Variants in EEFSEC observed in about 807,000 individuals in gnomAD.
EEFSEC encodes eukaryotic elongation factor, selenocysteine-tRNA specific.
Under a neutral mutation model 42.1 loss-of-function variants are expected in EEFSEC, and 43 were observed. That is an observed-to-expected ratio of 1.02 (90% confidence interval 0.80 to 1.32). The LOEUF (loss-of-function observed/expected upper bound fraction) is 1.32, where lower values mean the gene tolerates loss of function less well. Ranked by LOEUF, EEFSEC falls within the 40% of genes most tolerant of loss-of-function variation. The probability of loss-of-function intolerance (pLI) is 0.00; values close to 1 mark genes in which losing one functional copy is unlikely to be tolerated. For synonymous variants in EEFSEC, 354 were observed against 339.1 expected, an observed-to-expected ratio of 1.04 and a Z score of -0.48; for missense variants, 745 against 803.6, an observed-to-expected ratio of 0.93 and a Z score of 0.88.
At chr3:128,420,780 G>A in the EEFSEC span, among the ~76,000 whole-genome samples, 7 of 152,172 alleles carry the variant, frequency 4.6e-5, no homozygotes, top group African/African-American at 1.7e-4. Flanking sequence ...TGCCACCCTG[G>A]CTGGGCTCCC....
At chr3:128,200,888 G>C (rs1354918102) in intron 1 of EEFSEC, among the ~76,000 whole-genome samples, 1 of 152,150 alleles carries the variant, frequency 6.6e-6, no homozygotes, top group East Asian at 1.9e-4. Context: ...GTCAAGTGGA[G>C]GGCTCAATGA....
intron 4 of EEFSEC, among the ~76,000 whole-genome samples, chr3:128,286,589 A>G (rs1307972284): frequency 1.3e-5 from 2 of 152,198 alleles, no homozygotes; most frequent in Non-Finnish European, 2.9e-5. Context: ...TCCTCTTGAC[A>G]TGGCCCATCC....
chr3:128,311,391 A>T (rs1021097463), intron 4 of EEFSEC, among the ~76,000 whole-genome samples: 3 of 152,228 alleles, frequency 2.0e-5, no homozygotes, highest in Admixed American at 2.0e-4. Context: ...ATGTTTGGAA[A>T]CCAGATTCCT....
intron 5 of EEFSEC, among the ~76,000 whole-genome samples, chr3:128,343,027 G>C (rs779330818): frequency 6.6e-6 from 1 of 152,230 alleles, no homozygotes; most frequent in Non-Finnish European, 1.5e-5. Flanking sequence ...AAAGAGCACG[G>C]AGTGCTGGCA....
At chr3:128,409,269 C>G (rs950438721), downstream of EEFSEC, among the ~76,000 whole-genome samples, 1 of 152,162 alleles carries the variant, frequency 6.6e-6, no homozygotes, top group Non-Finnish European at 1.5e-5. Flanking sequence ...TCCCAGTAAT[C>G]GGTGCATTAT....
chr3:128,318,472 C>G (rs1220590048), intron 4 of EEFSEC, among the ~76,000 whole-genome samples: 1 of 152,194 alleles, frequency 6.6e-6, no homozygotes, highest in Non-Finnish European at 1.5e-5. Context: ...TGCTCCAGCA[C>G]ATGATGCTCT....
chr3:128,194,813 TAGAA>T (rs1286638560), intron 1 of EEFSEC, among the ~76,000 whole-genome samples: 14 of 152,336 alleles, frequency 9.2e-5, no homozygotes, highest in East Asian at 7.7e-4. Flanking sequence ...AGAAAAAGAC[TAGAA>T]AGAAAGACAT....
At chr3:128,175,637 GC>G (rs1161555386) in intron 1 of EEFSEC, among the ~76,000 whole-genome samples, 2 of 152,222 alleles carry the variant, frequency 1.3e-5, no homozygotes, top group Admixed American at 1.3e-4. Flanking sequence ...CATGGGCTAT[GC>G]CAGCCCAACA....
chr3:128,158,379 C>T (rs1944415792), intron 1 of EEFSEC, among the ~76,000 whole-genome samples: 1 of 152,228 alleles, frequency 6.6e-6, no homozygotes, highest in Admixed American at 6.5e-5. Flanking sequence ...GAAAGCAATT[C>T]TGTGAGTAAA....
intron 2 of EEFSEC, among the ~76,000 whole-genome samples, chr3:128,248,386 C>T (rs140686085): frequency 1.7e-4 from 26 of 152,292 alleles, no homozygotes; most frequent in African/African-American, 5.3e-4. Flanking sequence ...GCAGCTCTCC[C>T]TCAGAATTCT....
chr3:128,391,514 C>A (rs955842004), intron 6 of EEFSEC, among the ~76,000 whole-genome samples: 1 of 152,232 alleles, frequency 6.6e-6, no homozygotes, highest in African/African-American at 2.4e-5. Context: ...TGGTGCCCTC[C>A]AGGCCTGCTC....
At position 128,286,104 on chromosome 3, in the gene EEFSEC, G is replaced by A. The variant is rs36060713; in HGVS notation, c.786+21323G>A. 4.6e-3 allele frequency among the ~76,000 whole-genome samples: 694 copies of A among 152,330 alleles called. 1 individual carries two copies. Among genetic ancestry groups the A allele is most frequent in the South Asian group, 0.033 (160 of 4,826 alleles). ...ATGCCAAGCTTGCTCTTCGCATTCA[G>A]CACTATGATTTTCAGGTTTCTCTTT... On this transcript the variant is annotated intron_variant, in intron 4 of 6. Transcript: ENST00000254730.
At chr3:128,190,523 C>T (rs1053245042) in intron 1 of EEFSEC, among the ~76,000 whole-genome samples, 7 of 151,970 alleles carry the variant, frequency 4.6e-5, no homozygotes, top group African/African-American at 1.2e-4. Context: ...AGTGTTATTA[C>T]AAGAGTCAAA....
rs532546259 is a variant in EEFSEC, at chr3:128,250,929, T to A, written c.524+3886T>A. Among the ~76,000 whole-genome samples the A allele has an allele frequency of 1.3e-4, 20 of 149,398 alleles. No individual in the cohort carries two copies. In the South Asian group the frequency reaches 4.2e-3, roughly 32 times the overall value. Reference sequence around the variant, plus strand: ...TTTTTTGGTTTTTTTTTTTTTTTTTTAGCAATGTTTTGTAGTTTTTAGCGT... The same window carrying A: ...TTTTTTGGTTTTTTTTTTTTTTTTTAAGCAATGTTTTGTAGTTTTTAGCGT... On this transcript the variant is annotated intron_variant, in intron 2 of 6. Coordinates refer to ENST00000254730, the MANE Select transcript of EEFSEC (RefSeq NM_021937.5).
intron 1 of EEFSEC, among the ~76,000 whole-genome samples, chr3:128,173,435 A>T (rs2065318678): frequency 6.6e-6 from 1 of 152,164 alleles, no homozygotes. Context: ...CTCATAATGG[A>T]GCAAAATTGA....
intron 1 of EEFSEC, among the ~76,000 whole-genome samples, chr3:128,207,202 C>T (rs4362738): frequency 0.47 from 70,553 of 149,970 alleles, 19,443 homozygotes; most frequent in Non-Finnish European, 0.61. Context: ...CCTCTATTTC[C>T]CTTCTTCCTT....
chr3:128,269,784 A>T (rs2066395145), intron 4 of EEFSEC, among the ~76,000 whole-genome samples: 1 of 152,246 alleles, frequency 6.6e-6, no homozygotes, highest in Non-Finnish European at 1.5e-5. Flanking sequence ...AAGGCCACTT[A>T]TCCTAAGAAT....
chr3:128,233,707 T>C (rs2065981042), intron 1 of EEFSEC, among the ~76,000 whole-genome samples: 1 of 152,234 alleles, frequency 6.6e-6, no homozygotes, highest in Non-Finnish European at 1.5e-5. Context: ...AGCCTCATGG[T>C]GGGCATGCAG....
intron 6 of EEFSEC, among the ~76,000 whole-genome samples, chr3:128,406,442 G>A (rs371600443): frequency 2.0e-5 from 3 of 152,110 alleles, no homozygotes; most frequent in Non-Finnish European, 1.5e-5. Flanking sequence ...CAGGAGATCC[G>A]CTGTGCAGAA....
Sources: allele counts gnomAD v4.1 joint callset (sites outside exome capture counted in the v4.1 genomes callset), GRCh38; gene constraint gnomAD v4.1.1; transcripts MANE v1.5; gene names NCBI Gene and HGNC (gene_info 2026-07-23, HGNC 2026-07-21).